The following HS6ST3 variants were observed in gnomAD, a reference collection of about 807,000 sequenced individuals.
The protein encoded by HS6ST3 is heparan-sulfate 6-O-sulfotransferase 3.
In HS6ST3, 12 loss-of-function variants were observed where a neutral mutation model predicts 36.7. The observed-to-expected ratio is 0.33, with a 90% confidence interval of 0.21 to 0.53. HS6ST3 has a LOEUF of 0.53. Ranked by LOEUF, HS6ST3 falls within the 20% of genes least tolerant of loss-of-function variation. HS6ST3 has a pLI of 0.95. For missense variants in HS6ST3, 584 were observed against 640.9 expected (o/e 0.91, Z 0.96); for synonymous variants, 240 against 257.5 (o/e 0.93, Z 0.65).
intron 1 of HS6ST3, among the ~76,000 whole-genome samples, chr13:96,697,101 C>A (rs1222656435): frequency 6.6e-6 from 1 of 151,396 alleles, no homozygotes; most frequent in Non-Finnish European, 1.5e-5. Context: ...ATTCATAAAA[C>A]AAGATGCCAT....
At chr13:96,110,376 C>A (rs183917581) in intron 1 of HS6ST3, among the ~76,000 whole-genome samples, 1 of 151,836 alleles carries the variant, frequency 6.6e-6, no homozygotes, top group East Asian at 1.9e-4. Context: ...CCCAAACACC[C>A]CCCTCCAGGC....
intron 1 of HS6ST3, among the ~76,000 whole-genome samples, chr13:96,308,317 T>G (rs1226803590): frequency 6.6e-6 from 1 of 152,090 alleles, no homozygotes. Context: ...ACAGATTCAT[T>G]TCATTTCTTC....
rs536573590 is a variant in HS6ST3, at chr13:96,201,115, C to T, written c.707+109546C>T. Among the ~76,000 whole-genome samples, 3 of 152,306 alleles carry T rather than the reference C, an allele frequency of 2.0e-5. No homozygotes were observed. The South Asian group carries it at 6.2e-4, about 32-fold the overall frequency. Reference sequence around the variant, plus strand: ...TGTGCATCCCGCAGACAGCTATATGCAGATGCACCTGTTTCACTCTGAGCT... The same window carrying T: ...TGTGCATCCCGCAGACAGCTATATGTAGATGCACCTGTTTCACTCTGAGCT... On this transcript the variant is annotated intron_variant, in intron 1 of 1. Coordinates refer to ENST00000376705, the MANE Select transcript of HS6ST3 (RefSeq NM_153456.4).
intron 1 of HS6ST3, among the ~76,000 whole-genome samples, chr13:96,213,940 A>G (rs1457387364): frequency 1.3e-5 from 2 of 152,164 alleles, no homozygotes; most frequent in Non-Finnish European, 2.9e-5. Flanking sequence ...TATACCTATG[A>G]GAAAGTACAG....
chr13:96,302,109 G>A (rs776547276), intron 1 of HS6ST3, among the ~76,000 whole-genome samples: 1 of 151,816 alleles, frequency 6.6e-6, no homozygotes, highest in Non-Finnish European at 1.5e-5. Context: ...TACTGGAGGT[G>A]TATCAATTGA....
At chr13:96,333,457 C>T (rs1164326897) in intron 1 of HS6ST3, among the ~76,000 whole-genome samples, 1 of 152,036 alleles carries the variant, frequency 6.6e-6, no homozygotes, top group Non-Finnish European at 1.5e-5. Context: ...GAAAGGTGAC[C>T]AGGGCAAGGA....
chr13:96,348,518 GT>G (rs1487493282), intron 1 of HS6ST3, among the ~76,000 whole-genome samples: 1 of 152,164 alleles, frequency 6.6e-6, no homozygotes, highest in Non-Finnish European at 1.5e-5. Flanking sequence ...CAATAGCATT[GT>G]TTTTTCCAAA....
chr13:96,513,469 A>G (rs961730172), intron 1 of HS6ST3, among the ~76,000 whole-genome samples: 5 of 152,150 alleles, frequency 3.3e-5, no homozygotes, highest in African/African-American at 9.7e-5. Context: ...TTTGTTTCAT[A>G]TAATTTTCAC....
intron 1 of HS6ST3, among the ~76,000 whole-genome samples, chr13:96,428,961 A>G (rs771770643): frequency 3.9e-5 from 6 of 152,258 alleles, no homozygotes; most frequent in Non-Finnish European, 8.8e-5. Flanking sequence ...CCTTGTAGTT[A>G]TAAATGACTA....
intron 1 of HS6ST3, chr13:96,573,535 G>A (rs2056308596): frequency 5.6e-6 from 1 of 179,794 alleles, no homozygotes; most frequent in Non-Finnish European, 1.1e-5. Context: ...AAATAAAATA[G>A]CTCCCCTCCT....
intron 1 of HS6ST3, among the ~76,000 whole-genome samples, chr13:96,325,568 T>C (rs1409813502): frequency 2.0e-5 from 3 of 152,210 alleles, no homozygotes. Flanking sequence ...TTAAAGTATA[T>C]GGAAGGATGT....
At chr13:96,219,498 C>T (rs185009778) in intron 1 of HS6ST3, among the ~76,000 whole-genome samples, 2 of 152,142 alleles carry the variant, frequency 1.3e-5, no homozygotes, top group Admixed American at 1.3e-4. Context: ...AGAGGCAGAA[C>T]CCCATCTAAA....
At chr13:96,404,550 G>A (rs2055467295) in intron 1 of HS6ST3, among the ~76,000 whole-genome samples, 1 of 152,190 alleles carries the variant, frequency 6.6e-6, no homozygotes, top group Admixed American at 6.5e-5. Flanking sequence ...TGAGAGTCAT[G>A]GCAGGAGAGG....
chr13:96,536,607 G>A (rs759193104), intron 1 of HS6ST3, among the ~76,000 whole-genome samples: 2 of 152,110 alleles, frequency 1.3e-5, no homozygotes, highest in African/African-American at 2.4e-5. Context: ...TTGGAGAGAG[G>A]AGAGGCAAAG....
intron 1 of HS6ST3, among the ~76,000 whole-genome samples, chr13:96,268,153 G>T (rs570878330): frequency 4.3e-4 from 66 of 151,992 alleles, no homozygotes; most frequent in Middle Eastern, 3.4e-3. Flanking sequence ...CCCACTGGGG[G>T]TTGGGGCTCC....
At chr13:96,465,641 G>A (rs941340499) in intron 1 of HS6ST3, among the ~76,000 whole-genome samples, 11 of 152,134 alleles carry the variant, frequency 7.2e-5, no homozygotes, top group African/African-American at 1.9e-4. Flanking sequence ...TGGCGTGATC[G>A]TGGATGGAGC....
At chr13:96,753,884 ATCTTGCCTCAC>A (rs1876760532) in intron 1 of HS6ST3, among the ~76,000 whole-genome samples, 1 of 151,966 alleles carries the variant, frequency 6.6e-6, no homozygotes, top group South Asian at 2.1e-4. Context: ...CAGTGGCATG[ATCTTGCCTCAC>A]TGCAACCTGC....
At chr13:96,332,397 A>T (rs2055075807) in intron 1 of HS6ST3, among the ~76,000 whole-genome samples, 1 of 152,130 alleles carries the variant, frequency 6.6e-6, no homozygotes, top group South Asian at 2.1e-4. Context: ...CTTTGAGAAA[A>T]TCTTATCTTT....
chr13:96,586,975 T>C (rs2056363743), intron 1 of HS6ST3, among the ~76,000 whole-genome samples: 1 of 152,200 alleles, frequency 6.6e-6, no homozygotes, highest in African/African-American at 2.4e-5. Context: ...TTATATATAG[T>C]ATGCGATAAG....
Sources: gnomAD v4.1 joint callset for allele counts (sites outside exome capture counted in the v4.1 genomes callset) on GRCh38, gnomAD v4.1.1 for gene constraint, MANE v1.5 for transcripts, NCBI Gene and HGNC (gene_info 2026-07-23, HGNC 2026-07-21) for gene names.